CPPED1: variants seen among roughly 807,000 people sequenced by gnomAD.
CPPED1 encodes serine/threonine-protein phosphatase CPPED1.
CPPED1 carries 28 observed loss-of-function variants against 28.0 expected under a neutral mutation model. That is an observed-to-expected ratio of 1.00 (90% CI 0.74 to 1.37). CPPED1 has a LOEUF of 1.37. CPPED1 is among the 40% of genes most tolerant of loss of function. CPPED1 has a pLI of 0.00. For missense variants in CPPED1, 504 were observed against 416.5 expected (o/e 1.21, Z -1.83); for synonymous variants, 198 against 180.2 (o/e 1.10, Z -0.79).
At chr16:12,745,699 G>A (rs906188989) in intron 2 of CPPED1, among the ~76,000 whole-genome samples, 16 of 152,228 alleles carry the variant, frequency 1.1e-4, no homozygotes, top group African/African-American at 3.9e-4. Flanking sequence ...GGAGAGAGAG[G>A]AGCAGAAAAG....
At chr16:12,802,187 A>C (rs1457138367) in intron 1 of CPPED1, among the ~76,000 whole-genome samples, 1 of 152,180 alleles carries the variant, frequency 6.6e-6, no homozygotes, top group Non-Finnish European at 1.5e-5. Context: ...AGGCAAAGGG[A>C]AGATATTCAG....
intron 2 of CPPED1, among the ~76,000 whole-genome samples, chr16:12,705,586 C>T (rs189464753): frequency 4.1e-4 from 62 of 152,232 alleles, no homozygotes; most frequent in African/African-American, 1.4e-3. Context: ...GGTGAAACCC[C>T]GTCTCTACTA....
At chr16:12,703,827 G>A (rs1278396854) in intron 3 of CPPED1, among the ~76,000 whole-genome samples, 1 of 152,176 alleles carries the variant, frequency 6.6e-6, no homozygotes, top group African/African-American at 2.4e-5. Context: ...CTCTTGAAAG[G>A]CCCATGGCAG....
chr16:12,695,041 G>A (rs753132926), intron 3 of CPPED1, among the ~76,000 whole-genome samples: 1 of 152,124 alleles, frequency 6.6e-6, no homozygotes, highest in Admixed American at 6.5e-5. Context: ...CCCTCCCAAA[G>A]GACTGGTATT....
At chr16:12,680,309 T>C (rs1453837052) in intron 3 of CPPED1, among the ~76,000 whole-genome samples, 1 of 152,176 alleles carries the variant, frequency 6.6e-6, no homozygotes, top group Non-Finnish European at 1.5e-5. Flanking sequence ...AATAAATCTG[T>C]ATGCATTTTT....
At chr16:12,787,228 T>G (rs910180839) in intron 1 of CPPED1, among the ~76,000 whole-genome samples, 21 of 152,278 alleles carry the variant, frequency 1.4e-4, no homozygotes, top group African/African-American at 3.6e-4. Flanking sequence ...GATTAAGATC[T>G]CATTTCTGAC....
Position 12,759,085 on chromosome 16 carries a change from C to T in CPPED1, c.289+22100G>A, listed in dbSNP as rs148103284. 6.3e-3 allele frequency among the ~76,000 whole-genome samples: 948 copies of T among 149,458 alleles called. 9 individuals are homozygous for T. Among genetic ancestry groups the T allele is most frequent in the African/African-American group, 0.022 (876 of 40,450 alleles). On this transcript the variant is annotated intron_variant, in intron 2 of 3. Coordinates refer to ENST00000381774, the MANE Select transcript of CPPED1 (RefSeq NM_018340.3). The stretch of plus-strand genomic sequence containing the variant: ...GGCTAGGGTAGCAGGATCACTTGAG[C>T]CCAAGAAGTAGAGGCTACAGTGAGG...
chr16:12,763,335 T>C (rs2080420998), intron 2 of CPPED1, among the ~76,000 whole-genome samples: 1 of 151,870 alleles, frequency 6.6e-6, no homozygotes, highest in South Asian at 2.1e-4. Flanking sequence ...CCTCCCAAAG[T>C]GCTGGGATTA....
At chr16:12,736,501 A>T (rs368364413) in intron 2 of CPPED1, among the ~76,000 whole-genome samples, 1 of 152,110 alleles carries the variant, frequency 6.6e-6, no homozygotes, top group African/African-American at 2.4e-5. Flanking sequence ...GGCCTCCCAA[A>T]GGGCTGGGAT....
intron 3 of CPPED1, among the ~76,000 whole-genome samples, chr16:12,689,905 G>C (rs543521556): frequency 6.6e-6 from 1 of 152,282 alleles, no homozygotes; most frequent in East Asian, 1.9e-4. Flanking sequence ...TTACTCCAAG[G>C]AAACCAAGTC....
At position 12,775,870 on chromosome 16, in the gene CPPED1, T is replaced by C. The variant is rs182362349; in HGVS notation, c.289+5315A>G. Among the ~76,000 whole-genome samples, 29 of 152,324 alleles carry C rather than the reference T, an allele frequency of 1.9e-4. No individual in the cohort carries two copies. The East Asian group carries it at 5.2e-3, about 27-fold the overall frequency. Reference sequence around the variant, plus strand: ...CAATGACACCTCCTTTGCAAGACTGTAATGAGTAGATAAGATAGTAACACA... The same window carrying C: ...CAATGACACCTCCTTTGCAAGACTGCAATGAGTAGATAAGATAGTAACACA... On this transcript the variant is annotated intron_variant, in intron 2 of 3. Coordinates refer to ENST00000381774, the MANE Select transcript of CPPED1 (RefSeq NM_018340.3).
chr16:12,722,245 G>C (rs567116255), intron 2 of CPPED1, among the ~76,000 whole-genome samples: 5 of 152,296 alleles, frequency 3.3e-5, no homozygotes, highest in African/African-American at 4.8e-5. Context: ...GGGTGGCAGC[G>C]AGTGGACTTC....
intron 2 of CPPED1, among the ~76,000 whole-genome samples, chr16:12,713,099 G>C (rs1373067041): frequency 1.8e-5 from 2 of 111,532 alleles, no homozygotes; most frequent in East Asian, 4.7e-4. Context: ...TTCGAAATAA[G>C]TTCTTAAAAA....
chr16:12,772,101 C>A (rs1163356195), intron 2 of CPPED1, among the ~76,000 whole-genome samples: 2 of 151,846 alleles, frequency 1.3e-5, no homozygotes, highest in Non-Finnish European at 2.9e-5. Context: ...CCAGCCTGGG[C>A]AACAGAACAA....
chr16:12,693,740 A>G (rs936417417), intron 3 of CPPED1, among the ~76,000 whole-genome samples: 14 of 152,240 alleles, frequency 9.2e-5, no homozygotes, highest in African/African-American at 3.1e-4. Flanking sequence ...CTGGAATTTT[A>G]CAAAGGAATC....
chr16:12,704,492 A>G (rs1596453000), intron 3 of CPPED1, 132 bp downstream of exon 3: 3 of 888,852 alleles, frequency 3.4e-6, no homozygotes, highest in African/African-American at 1.7e-5. Flanking sequence ...CAAGTCCAAG[A>G]GCTGGTATCA....
intron 3 of CPPED1, among the ~76,000 whole-genome samples, chr16:12,669,548 A>G (rs1878708): frequency 0.051 from 7,796 of 152,314 alleles, 614 homozygotes; most frequent in African/African-American, 0.18. Context: ...GATCCATATC[A>G]CAACAACGGA....
At chr16:12,723,275 G>A (rs1208720638) in intron 2 of CPPED1, among the ~76,000 whole-genome samples, 5 of 152,184 alleles carry the variant, frequency 3.3e-5, no homozygotes, top group African/African-American at 1.2e-4. Context: ...CTGGCTTACT[G>A]CAATCTGTGA....
Position 12,725,892 on chromosome 16 carries a change from A to G in CPPED1, c.290-20843T>C, listed in dbSNP as rs148524829. ...AGCTGTGTGCTGTCTTAATTTCTCT[A>G]GGTATAAAGCAGCAATAGGTCAGCT... On this transcript the variant is annotated intron_variant, in intron 2 of 3. Transcript: ENST00000381774. 7.7e-3 allele frequency among the ~76,000 whole-genome samples: 1,179 copies of G among 152,256 alleles called. 21 individuals carry two copies. Among genetic ancestry groups the G allele is most frequent in the South Asian group, 0.057 (277 of 4,826 alleles).
Sources: gnomAD v4.1 joint callset for allele counts (sites outside exome capture counted in the v4.1 genomes callset) on GRCh38, gnomAD v4.1.1 for gene constraint, MANE v1.5 for transcripts, NCBI Gene and HGNC (gene_info 2026-07-23, HGNC 2026-07-21) for gene names.